WDR5B: variants seen among roughly 807,000 people sequenced by gnomAD.
WDR5B encodes the protein WD repeat domain 5B, also known as WD repeat-containing protein 5B.
WDR5B carries 17 observed loss-of-function variants against 24.0 expected under a neutral mutation model. That is an observed-to-expected ratio of 0.71 (90% CI 0.49 to 1.06). The LOEUF (loss-of-function observed/expected upper bound fraction) is 1.06. Ranked by LOEUF, WDR5B falls within the 50% of genes least tolerant of loss-of-function variation. The probability of loss-of-function intolerance (pLI) is 0.00; values close to 1 mark genes in which losing one functional copy is unlikely to be tolerated. For synonymous variants in WDR5B, 150 were observed against 146.4 expected, an observed-to-expected ratio of 1.02 and a Z score of -0.18; for missense variants, 368 against 384.1, an observed-to-expected ratio of 0.96 and a Z score of 0.35.
chr3:122,414,347 T>G lies in WDR5B; in HGVS notation c.*189A>C, dbSNP rs1174490073. ...TTACAAAAAGTTGCTCAAAAAAGAT[T>G]GGTAGTCAGAAGCTGAATTCTAGAT... On this transcript the variant is annotated 3_prime_UTR_variant, in exon 1 of 1. Coordinates refer to ENST00000330689, the MANE Select transcript of WDR5B (RefSeq NM_019069.4). 9.8e-6 allele frequency: 7 copies of G among 714,668 alleles called. No individual in the cohort carries two copies. Among genetic ancestry groups the G allele is most frequent in the Non-Finnish European group, 1.5e-5 (7 of 452,058 alleles). 44.3% of individuals were successfully genotyped at this position (714,668 alleles called of 1,614,324 possible).
In WDR5B at chr3:122,413,121, G is replaced by A. The variant is rs2075713053; in HGVS notation, c.*1415C>T. On this transcript the variant is annotated 3_prime_UTR_variant, in exon 1 of 1. Transcript: ENST00000330689. ...CTCTAGGATAGTCACTGAGAGGAAT[G>A]AGAAATTGTCCAGTGACAGACAAAT... The A allele has an allele frequency of 6.6e-6, 1 of 152,246 alleles. No homozygotes were observed. The highest frequency in any genetic ancestry group is 1.5e-5 in the Non-Finnish European group (1 of 68,050). The allele number at this position is 152,246 out of a possible 1,614,324, so 9.4% of individuals were successfully genotyped here. A position where few individuals can be genotyped will look rare whatever the true frequency, so the allele number is the denominator to read the frequency against.
chr3:122,414,541 G>T lies in WDR5B; in HGVS notation c.988C>A (p.His330Asn). The change falls in exon 1 of 1, where the codon CAC becomes AAC. Residue 330 changes from histidine to asparagine, a missense_variant. His to Asn is a moderately conservative substitution (Grantham distance 68). Coordinates refer to ENST00000330689, the MANE Select transcript of WDR5B (RefSeq NM_019069.4). ...DKTIKLWMSNH is the reference protein window; with the variant it reads ...DKTIKLWMSNN ...CTACTTGATTTTCAAAGGGATTAGTGGTTACTCATCCACAGTTTAATTGTT... is the reference window on the plus strand; with the variant it reads ...CTACTTGATTTTCAAAGGGATTAGTTGTTACTCATCCACAGTTTAATTGTT... 1 of 1,612,180 alleles carries T rather than the reference G, an allele frequency of 6.2e-7. No individual in the cohort carries two copies. Among genetic ancestry groups the T allele is most frequent in the African/African-American group, 1.3e-5 (1 of 74,980 alleles).
chr3:122,412,034 C>T lies in WDR5B; in HGVS notation c.*2502G>A, dbSNP rs374382403. On this transcript the variant is annotated 3_prime_UTR_variant, in exon 1 of 1. Transcript: ENST00000330689. ...ATTCAAGATCTGCCCCTAACTAATCCTACTTCTCCCAGTACCCTTACAGCA... is the reference window on the plus strand; with the variant it reads ...ATTCAAGATCTGCCCCTAACTAATCTTACTTCTCCCAGTACCCTTACAGCA... 198 of 152,198 alleles carry T rather than the reference C, an allele frequency of 1.3e-3. No homozygotes were observed. Among genetic ancestry groups the T allele is most frequent in the African/African-American group, 4.6e-3 (192 of 41,526 alleles). The allele number at this position is 152,198 out of a possible 1,614,324, so 9.4% of individuals were successfully genotyped here.
Position 122,414,876 on chromosome 3 carries a change from A to G in WDR5B, c.653T>C (p.Phe218Ser). 6.2e-7 allele frequency: 1 copy of G among 1,614,192 alleles called. No individual in the cohort carries two copies. The highest frequency in any genetic ancestry group is 8.5e-7 in the Non-Finnish European group (1 of 1,180,034). ...DDNPPVSFVK[F>S]SPNGKYILTA... ...GAGAATGTATTTACCATTTGGAGAAAATTTTACAAAAGAGACAGGAGGGTT... is the reference window on the plus strand; with the variant it reads ...GAGAATGTATTTACCATTTGGAGAAGATTTTACAAAAGAGACAGGAGGGTT... The change falls in exon 1 of 1, where the codon TTT (phenylalanine) becomes TCT (serine). Residue 218 changes from phenylalanine to serine, a missense_variant. Transcript: ENST00000330689.
Position 122,415,091 on chromosome 3 carries a change from A to G in WDR5B, c.438T>C (p.Asp146=). Residue 146 remains aspartate (D), a synonymous_variant, in exon 1 of 1, where the codon GAT becomes GAC. Coordinates refer to ENST00000330689, the MANE Select transcript of WDR5B (RefSeq NM_019069.4). ...PSNLIISGSF[D]ETVKIWEVKT... ...TCACCTCCCATATTTTTACAGTCTC[A>G]TCAAAAGATCCCGAGATTATAAGGT... The G allele has an allele frequency of 6.2e-7, 1 of 1,614,184 alleles. No individual in the cohort carries two copies. The highest frequency in any genetic ancestry group is 8.5e-7 in the Non-Finnish European group (1 of 1,179,998).
At position 122,415,613 on chromosome 3, in the gene WDR5B, A is replaced by C; in HGVS notation, c.-85T>G. The C allele has an allele frequency of 6.7e-7, 1 of 1,481,932 alleles. No homozygotes were observed. The highest frequency in any genetic ancestry group is 1.4e-5 in the African/African-American group (1 of 70,972). The allele number at this position is 1,481,932 out of a possible 1,614,324, so 91.8% of individuals were successfully genotyped here. On this transcript the variant is annotated 5_prime_UTR_variant, in exon 1 of 1. The change creates a new upstream start codon in the 5' untranslated region. Transcript: ENST00000330689. ...AGTACTTTGGCTTTCTGCCCAGCAA[A>C]ATGAAGATAAACGCACAGGATTTTA...
chr3:122,415,840 G>T lies in WDR5B; in HGVS notation c.-312C>A, dbSNP rs1553778256. The T allele has an allele frequency of 3.6e-6, 1 of 278,008 alleles. No individual in the cohort carries two copies. The highest frequency in any genetic ancestry group is 2.2e-5 in the African/African-American group (1 of 44,922). 17.2% of individuals were successfully genotyped at this position (278,008 alleles called of 1,614,324 possible). ...TACATAAAGCCTTCAAAGCAGGGGC[G>T]ACGCGAGGGGCACTCTCTACAGAAA... On this transcript the variant is annotated 5_prime_UTR_variant, in exon 1 of 1. Coordinates refer to ENST00000330689, the MANE Select transcript of WDR5B (RefSeq NM_019069.4).
In WDR5B at chr3:122,414,432, A is replaced by G; in HGVS notation, c.*104T>C. 1 of 1,355,160 alleles carries G rather than the reference A, an allele frequency of 7.4e-7. No homozygotes were observed. Among genetic ancestry groups the G allele is most frequent in the Admixed American group, 2.5e-5 (1 of 39,546 alleles). The allele number at this position is 1,355,160 out of a possible 1,614,324, so 83.9% of individuals were successfully genotyped here. On this transcript the variant is annotated 3_prime_UTR_variant, in exon 1 of 1. Transcript: ENST00000330689. ...TGTATGAATCTCAAAATTTAACAAT[A>G]GACAATTTTTAAAATACCAAACTGC... is the stretch of plus-strand genomic sequence containing the variant.
chr3:122,414,614 A>G lies in WDR5B; in HGVS notation c.915T>C (p.Cys305=), dbSNP rs1469119844. The G allele has an allele frequency of 3.1e-6, 5 of 1,614,092 alleles. No homozygotes were observed. In the African/African-American group the frequency reaches 5.3e-5, roughly 17 times the overall value. ...ATGCGATGAGGTTTTCTGTAGGATG[A>G]CAAGCTGCTGAGATCACAACATCTG... ...GHTDVVISAA[C]HPTENLIASA... The change falls in exon 1 of 1, where the codon TGT becomes TGC. Residue 305 remains cysteine (C), a synonymous_variant. Coordinates refer to ENST00000330689, the MANE Select transcript of WDR5B (RefSeq NM_019069.4).
rs760520915 is a variant in WDR5B, at chr3:122,414,659, C to G, written c.870G>C (p.Val290=). Residue 290 remains valine (V), a synonymous_variant, in exon 1 of 1, where the codon GTG becomes GTC. Coordinates refer to ENST00000330689, the MANE Select transcript of WDR5B (RefSeq NM_019069.4). ...CATCTGTATGGCCTTGTAATTTCTG[C>G]ACAATCTCTTTAGTCTGAAGGTTCC... The part of the protein sequence containing the change: ...YIWNLQTKEI[V]QKLQGHTDVV... 2 of 1,614,186 alleles carry G rather than the reference C, an allele frequency of 1.2e-6. No individual in the cohort carries two copies. The highest frequency in any genetic ancestry group is 1.6e-4 in the Middle Eastern group (1 of 6,062).
rs747355820 is a variant in WDR5B, at chr3:122,415,489, C to G, written c.40G>C (p.Ala14Pro). ...CTCTGATTGGCCGATGAGGAGAGGG[C>G]CAACTGTGCTTTGGCGTCTCTTGAC... is the stretch of plus-strand genomic sequence containing the variant. ...KESRDAKAQL[A>P]LSSSANQSKE... is the part of the protein sequence containing the mutation. Residue 14 changes from alanine (A) to proline (P), a missense_variant, in exon 1 of 1, where the codon GCC (alanine) becomes CCC (proline). Physicochemically the swap from Ala to Pro is conservative, Grantham distance 27 (BLOSUM62 -1). Transcript: ENST00000330689. 5.6e-6 allele frequency: 9 copies of G among 1,613,790 alleles called. No individual in the cohort carries two copies. In the South Asian group the frequency reaches 8.8e-5, roughly 16 times the overall value.
Position 122,415,752 on chromosome 3 carries a change from T to C in WDR5B, c.-224A>G. ...ATCTTTTTGTTAAGTACTTGAGAAA[T>C]ACTGTTAGAAGGATCCTGTGCGCTG... On this transcript the variant is annotated 5_prime_UTR_variant, in exon 1 of 1. Coordinates refer to ENST00000330689, the MANE Select transcript of WDR5B (RefSeq NM_019069.4). 1 of 538,220 alleles carries C rather than the reference T, an allele frequency of 1.9e-6. No individual in the cohort carries two copies. The highest frequency in any genetic ancestry group is 3.3e-5 in the South Asian group (1 of 30,462). 33.3% of individuals were successfully genotyped at this position (538,220 alleles called of 1,614,324 possible).
chr3:122,415,040 C>CAA lies in WDR5B; in HGVS notation c.487_488dup (p.Leu163PhefsTer20). 6.2e-7 allele frequency: 1 copy of CAA among 1,614,148 alleles called. No homozygotes were observed. Among genetic ancestry groups the CAA allele is most frequent in the Non-Finnish European group, 8.5e-7 (1 of 1,180,026 alleles). ...CAGAAACTGGGTCAGAATGAGCAGA[C>CAA]AAAGTCTTGAGACACTTTCCTGTTT... On this transcript the variant is annotated frameshift_variant, in exon 1 of 1. Transcript: ENST00000330689. LOFTEE classifies it high-confidence loss of function.
Position 122,414,641 on chromosome 3 carries a change from A to G in WDR5B, c.888T>C (p.His296=), listed in dbSNP as rs1261554068. 3 of 1,614,192 alleles carry G rather than the reference A, an allele frequency of 1.9e-6. No homozygotes were observed. Among genetic ancestry groups the G allele is most frequent in the African/African-American group, 2.7e-5 (2 of 75,052 alleles). Residue 296 remains histidine, a synonymous_variant, in exon 1 of 1, where the codon CAT becomes CAC. Transcript: ENST00000330689. ...AAGCTGCTGAGATCACAACATCTGT[A>G]TGGCCTTGTAATTTCTGCACAATCT... ...TKEIVQKLQG[H]TDVVISAACH...
chr3:122,414,770 A>G lies in WDR5B; in HGVS notation c.759T>C (p.Asn253=). ...AATTGGCAAATATGCAATATTTCTC[A>G]TTCTTATGACCAGTGTATGTTTTCA... ...RCLKTYTGHK[N]EKYCIFANFS... Residue 253 remains asparagine, a synonymous_variant, in exon 1 of 1, where the codon AAT becomes AAC. Transcript: ENST00000330689. The G allele has an allele frequency of 6.2e-7, 1 of 1,614,208 alleles. No individual in the cohort carries two copies. Among genetic ancestry groups the G allele is most frequent in the Non-Finnish European group, 8.5e-7 (1 of 1,180,042 alleles).
At position 122,415,140 on chromosome 3, in the gene WDR5B, CAAA is replaced by C; in HGVS notation, c.386_388del (p.Phe129del). The C allele has an allele frequency of 6.2e-7, 1 of 1,614,174 alleles. No individual in the cohort carries two copies. Among genetic ancestry groups the C allele is most frequent in the Non-Finnish European group, 8.5e-7 (1 of 1,180,022 alleles). On this transcript the variant is annotated inframe_deletion, in exon 1 of 1. Coordinates refer to ENST00000330689, the MANE Select transcript of WDR5B (RefSeq NM_019069.4). The stretch of plus-strand genomic sequence containing the variant: ...GTTGGATGGCGGATTGAAGTTACAA[CAAA>C]AGACATAATTACTGTGCCCCTTCAG...
Position 122,415,486 on chromosome 3 carries a change from G to C in WDR5B, c.43C>G (p.Leu15Val), listed in dbSNP as rs772415715. Residue 15 changes from leucine to valine, a missense_variant, in exon 1 of 1, where the codon CTC becomes GTC. By Grantham distance (32) the Leu-to-Val change is conservative. Transcript: ENST00000330689. Reference protein sequence around the residue: ...ESRDAKAQLALSSSANQSKEV... With the variant: ...ESRDAKAQLAVSSSANQSKEV... ...TTGCTCTGATTGGCCGATGAGGAGA[G>C]GGCCAACTGTGCTTTGGCGTCTCTT... The C allele has an allele frequency of 6.2e-7, 1 of 1,613,880 alleles. No homozygotes were observed. Among genetic ancestry groups the C allele is most frequent in the Admixed American group, 1.7e-5 (1 of 59,980 alleles).
chr3:122,415,581 G>A lies in WDR5B; in HGVS notation c.-53C>T. On this transcript the variant is annotated 5_prime_UTR_variant, in exon 1 of 1. Transcript: ENST00000330689. ...TACTAGGCGTTCAGCCCTGAACCAG[G>A]CAGTCCAGTACTTTGGCTTTCTGCC... The A allele has an allele frequency of 6.5e-7, 1 of 1,548,970 alleles. No individual in the cohort carries two copies. The highest frequency in any genetic ancestry group is 8.7e-7 in the Non-Finnish European group (1 of 1,151,766).
Position 122,414,720 on chromosome 3 carries a change from A to C in WDR5B, c.809T>G (p.Ile270Ser), listed in dbSNP as rs747756664. The change falls in exon 1 of 1, where the codon ATT (isoleucine) becomes AGT (serine). Residue 270 changes from isoleucine (I) to serine (S), a missense_variant. Physicochemically the swap from Ile to Ser is moderately radical, Grantham distance 142. Coordinates refer to ENST00000330689, the MANE Select transcript of WDR5B (RefSeq NM_019069.4). ...CAGGTTATCCTCGGAACCAGACACA[A>C]TCCACTTTCCACCAGTAACTGAAAA... Reference protein sequence around the residue: ...ANFSVTGGKWIVSGSEDNLVY... With the variant: ...ANFSVTGGKWSVSGSEDNLVY... 1 of 1,614,202 alleles carries C rather than the reference A, an allele frequency of 6.2e-7. No individual in the cohort carries two copies. Among genetic ancestry groups the C allele is most frequent in the South Asian group, 1.1e-5 (1 of 91,084 alleles).
Sources: allele counts gnomAD v4.1 joint callset, GRCh38; gene constraint gnomAD v4.1.1; transcripts MANE v1.5; gene names NCBI Gene and HGNC (gene_info 2026-07-23, HGNC 2026-07-21).